The following PIAS1 variants were observed in gnomAD, a reference collection of about 807,000 sequenced individuals.
PIAS1 encodes the protein E3 SUMO-protein ligase PIAS1.
A neutral mutation model predicts 71.3 loss-of-function variants in PIAS1; 6 were observed. The observed-to-expected ratio is 0.08, with a 90% CI of 0.05 to 0.17. PIAS1 has a LOEUF of 0.17. PIAS1 is among the 10% of genes least tolerant of loss of function. The probability of loss-of-function intolerance (pLI) is 1.00; values close to 1 mark genes in which losing one functional copy is unlikely to be tolerated. For synonymous variants in PIAS1, 303 were observed against 292.9 expected, an observed-to-expected ratio of 1.03 and a Z score of -0.35; for missense variants, 555 against 793.6, an observed-to-expected ratio of 0.70 and a Z score of 3.61.
At chr15:68,065,470 G>A (rs1289580376) in intron 1 of PIAS1, among the ~76,000 whole-genome samples, 1 of 151,702 alleles carries the variant, frequency 6.6e-6, no homozygotes, top group Non-Finnish European at 1.5e-5. Flanking sequence ...GCGCACCTGT[G>A]GTTCCAGCTG....
chr15:68,111,608 T>G (rs1432909295), intron 2 of PIAS1, among the ~76,000 whole-genome samples: 1 of 152,110 alleles, frequency 6.6e-6, no homozygotes, highest in Non-Finnish European at 1.5e-5. Context: ...ATTTAAATGC[T>G]TAAAAATGAA....
At chr15:68,081,308 A>G (rs1030925301) in intron 1 of PIAS1, among the ~76,000 whole-genome samples, 1 of 152,166 alleles carries the variant, frequency 6.6e-6, no homozygotes, top group Admixed American at 6.5e-5. Context: ...CTCTCTGTCA[A>G]AAGTGATCAG....
intron 2 of PIAS1, among the ~76,000 whole-genome samples, chr15:68,088,828 A>G (rs1203133071): frequency 6.6e-6 from 1 of 152,196 alleles, no homozygotes; most frequent in Non-Finnish European, 1.5e-5. Flanking sequence ...AAGTGGCTAC[A>G]TTTGTCACAT....
chr15:68,176,955 A>G (rs2093023581), intron 11 of PIAS1, among the ~76,000 whole-genome samples: 2 of 152,064 alleles, frequency 1.3e-5, no homozygotes, highest in African/African-American at 4.8e-5. Context: ...TTGCGCCCCC[A>G]TGTCTGAGTC....
At chr15:68,062,577 C>A (rs2091971626) in intron 1 of PIAS1, among the ~76,000 whole-genome samples, 1 of 152,172 alleles carries the variant, frequency 6.6e-6, no homozygotes, top group Non-Finnish European at 1.5e-5. Flanking sequence ...TATTTTGAGT[C>A]TCTGTAGACT....
At chr15:68,079,350 G>C (rs996128408) in intron 1 of PIAS1, among the ~76,000 whole-genome samples, 1 of 152,126 alleles carries the variant, frequency 6.6e-6, no homozygotes, top group Non-Finnish European at 1.5e-5. Flanking sequence ...TCTGTGTGCA[G>C]AGCAGCCTTT....
At chr15:68,087,638 G>A (rs1244494429) in intron 2 of PIAS1, among the ~76,000 whole-genome samples, 1 of 152,100 alleles carries the variant, frequency 6.6e-6, no homozygotes, top group African/African-American at 2.4e-5. Context: ...AATGTGTAAC[G>A]GAGACCATGT....
rs1351507782 is a variant in PIAS1, at chr15:68,187,946, T to C, written c.*111T>C. 4.0e-6 allele frequency: 4 copies of C among 1,005,894 alleles called. No individual in the cohort carries two copies. The East Asian group carries it at 1.1e-4, about 26-fold the overall frequency. 62.3% of individuals were successfully genotyped at this position (1,005,894 alleles called of 1,614,324 possible). Reference sequence around the variant, plus strand: ...CTCTGTTTAGAAAAGTATACAAGCGTGTTTTTTTTCCTTTTTTTAGGGAAA... The same window carrying C: ...CTCTGTTTAGAAAAGTATACAAGCGCGTTTTTTTTCCTTTTTTTAGGGAAA... On this transcript the variant is annotated 3_prime_UTR_variant, in exon 14 of 14. Transcript: ENST00000249636. The surrounding 1 kb of genome is among the most constrained non-coding windows in gnomAD (Gnocchi z 5.3).
chr15:68,179,564 CTTTTTTTTTTTTTTTTT>C (rs766344324), intron 11 of PIAS1, among the ~76,000 whole-genome samples: 1 of 40,094 alleles, frequency 2.5e-5, no homozygotes, highest in Non-Finnish European at 4.4e-5. Context: ...GTGAAATGTT[CTTTTTTTTTTTTTTTTT>C]TTTTTTTTTT....
At chr15:68,093,412 C>T (rs969068835) in intron 2 of PIAS1, among the ~76,000 whole-genome samples, 2 of 152,196 alleles carry the variant, frequency 1.3e-5, no homozygotes, top group Non-Finnish European at 2.9e-5. Flanking sequence ...GTCTACTGGC[C>T]ACAGGCAGTT....
intron 1 of PIAS1, among the ~76,000 whole-genome samples, chr15:68,061,070 G>A (rs567354039): frequency 6.6e-6 from 1 of 152,258 alleles, no homozygotes; most frequent in Non-Finnish European, 1.5e-5. Context: ...ATTAATAAAT[G>A]CATATGTGAA....
In PIAS1 at chr15:68,054,883, C is replaced by T. The variant is rs1391596151; in HGVS notation, c.24+533C>T. On this transcript the variant is annotated intron_variant, in intron 1 of 13. Transcript: ENST00000249636. The surrounding 1 kb of genome is among the most constrained non-coding windows in gnomAD (Gnocchi z 4.6). ...TAGCCCCCGCCCCGGACTCGGCTTT[C>T]CCCGGCTGCTCGCTTGTCAGGAAGC... The T allele has an allele frequency of 1.3e-5, 2 of 152,478 alleles. No homozygotes were observed. Among genetic ancestry groups the T allele is most frequent in the Middle Eastern group, 3.4e-3 (1 of 298 alleles). The allele number at this position is 152,478 out of a possible 1,614,324, so 9.4% of individuals were successfully genotyped here. A position where few individuals can be genotyped will look rare whatever the true frequency, so the allele number is the denominator to read the frequency against.
chr15:68,068,537 C>T (rs1370165506), intron 1 of PIAS1, among the ~76,000 whole-genome samples: 4 of 152,132 alleles, frequency 2.6e-5, no homozygotes, highest in African/African-American at 4.8e-5. Flanking sequence ...ACTGCAACCT[C>T]TGCCTCCTGG....
rs1279226204 is a variant in PIAS1, at chr15:68,054,467, G to A, written c.24+117G>A. ...TCGGGCCTGACTCCACCCGGGCCTG[G>A]AGTTGTAGGGAGAGAGGCGCGCCCG... On this transcript the variant is annotated intron_variant, in intron 1 of 13. Coordinates refer to ENST00000249636, the MANE Select transcript of PIAS1 (RefSeq NM_016166.3). This position sits in a 1 kb window ranked among gnomAD's most constrained non-coding sequence, Gnocchi z 4.6. 1 of 1,109,114 alleles carries A rather than the reference G, an allele frequency of 9.0e-7. No individual in the cohort carries two copies. The highest frequency in any genetic ancestry group is 1.3e-6 in the Non-Finnish European group (1 of 767,140). 68.7% of individuals were successfully genotyped at this position (1,109,114 alleles called of 1,614,324 possible).
In PIAS1 at chr15:68,187,845, C is replaced by T. The variant is rs751896177; in HGVS notation, c.*10C>T. 6.2e-7 allele frequency: 1 copy of T among 1,607,690 alleles called. No individual in the cohort carries two copies. Among genetic ancestry groups the T allele is most frequent in the South Asian group, 1.1e-5 (1 of 90,460 alleles). ...TATTTCATTGGACTGATTCCCAGGCCCTGCTGCTCCCATCCCCACCCCAGA... is the reference window on the plus strand; with the variant it reads ...TATTTCATTGGACTGATTCCCAGGCTCTGCTGCTCCCATCCCCACCCCAGA... On this transcript the variant is annotated 3_prime_UTR_variant, in exon 14 of 14. Transcript: ENST00000249636. This position sits in a 1 kb window ranked among gnomAD's most constrained non-coding sequence, Gnocchi z 5.3.
At chr15:68,182,516 T>TGTGTGTGTGTGG (rs10527857) in intron 12 of PIAS1, among the ~76,000 whole-genome samples, 1 of 150,020 alleles carries the variant, frequency 6.7e-6, no homozygotes, top group South Asian at 2.1e-4. Context: ...TGTGTGTGTG[T>TGTGTGTGTGTGG]CGGAGTTTTG....
At chr15:68,068,238 G>A (rs2092050894) in intron 1 of PIAS1, among the ~76,000 whole-genome samples, 1 of 152,096 alleles carries the variant, frequency 6.6e-6, no homozygotes, top group Non-Finnish European at 1.5e-5. Flanking sequence ...GCTGGCTGAG[G>A]CATGTGCCTG....
rs372768631 is a variant in PIAS1, at chr15:68,188,064, TA to T, written c.*240del. The T allele has an allele frequency of 0.028, 7,456 of 265,922 alleles. 2 individuals carry two copies. Among genetic ancestry groups the T allele is most frequent in the Middle Eastern group, 0.04 (37 of 916 alleles). 16.5% of individuals were successfully genotyped at this position (265,922 alleles called of 1,614,324 possible). A position where few individuals can be genotyped will look rare whatever the true frequency, so the allele number is the denominator to read the frequency against. ...CTGCCTGTGTGATAAAACACTTGTT[TA>T]AAAAAAAAAAGGAAAGAAAAGAAAA... On this transcript the variant is annotated 3_prime_UTR_variant, in exon 14 of 14. Transcript: ENST00000249636.
At chr15:68,093,964 A>G (rs888864777) in intron 2 of PIAS1, among the ~76,000 whole-genome samples, 1 of 152,180 alleles carries the variant, frequency 6.6e-6, no homozygotes, top group African/African-American at 2.4e-5. Context: ...AGAATCTGAA[A>G]CATTGAGAAA....
Sources: allele counts gnomAD v4.1 joint callset (sites outside exome capture counted in the v4.1 genomes callset), GRCh38; gene constraint gnomAD v4.1.1; non-coding constraint Gnocchi (gnomAD v3.1); transcripts MANE v1.5; gene names NCBI Gene and HGNC (gene_info 2026-07-23, HGNC 2026-07-21).